The following GALNT14 variants were observed in gnomAD, a reference collection of about 807,000 sequenced individuals.
GALNT14 encodes the protein UDP-GalNAc:polypeptide N-acetylgalactosaminyltransferase 14.
In GALNT14, 60 loss-of-function variants were observed where a neutral mutation model predicts 77.5. The observed-to-expected ratio is 0.77, with a 90% CI of 0.63 to 0.96. The LOEUF (loss-of-function observed/expected upper bound fraction) is 0.96, where lower values mean the gene tolerates loss of function less well. GALNT14 is among the 40% of genes least tolerant of loss of function. The pLI, the probability that GALNT14 is intolerant of heterozygous loss-of-function variation, is 0.00. For missense variants in GALNT14, 710 were observed against 731.0 expected, an observed-to-expected ratio of 0.97 and a Z score of 0.33; for synonymous variants, 280 against 281.7, an observed-to-expected ratio of 0.99 and a Z score of 0.06.
At chr2:30,929,718 T>C (rs1350145896) in intron 10 of GALNT14, among the ~76,000 whole-genome samples, 1 of 152,242 alleles carries the variant, frequency 6.6e-6, no homozygotes, top group African/African-American at 2.4e-5. Flanking sequence ...ACAGGTTGAG[T>C]ATCCTTTACA....
chr2:31,050,258 G>C (rs915501141), intron 1 of GALNT14, among the ~76,000 whole-genome samples: 7 of 152,306 alleles, frequency 4.6e-5, no homozygotes, highest in Admixed American at 2.0e-4. Flanking sequence ...ATGCCTTTCT[G>C]TTTCCTGCAG....
At chr2:30,966,019 T>A (rs1165818624) in intron 3 of GALNT14, among the ~76,000 whole-genome samples, 185 bp downstream of exon 3, 2 of 152,122 alleles carry the variant, frequency 1.3e-5, no homozygotes, top group Non-Finnish European at 2.9e-5. Context: ...TAAAATGGGA[T>A]AATAGCCTCC....
At chr2:31,049,069 G>A (rs1355635454) in intron 1 of GALNT14, among the ~76,000 whole-genome samples, 3 of 152,274 alleles carry the variant, frequency 2.0e-5, no homozygotes, top group East Asian at 3.9e-4. Flanking sequence ...TGCCTTGCAA[G>A]TCCCTCGAGG....
intron 6 of GALNT14, among the ~76,000 whole-genome samples, chr2:30,947,212 A>T (rs1666750347): frequency 6.6e-6 from 1 of 152,118 alleles, no homozygotes; most frequent in African/African-American, 2.4e-5. Flanking sequence ...TATGGCTGCC[A>T]AAGTTGTCTT....
chr2:31,072,077 A>T (rs1675413517), intron 1 of GALNT14, among the ~76,000 whole-genome samples: 1 of 152,098 alleles, frequency 6.6e-6, no homozygotes, highest in Non-Finnish European at 1.5e-5. Flanking sequence ...TGCTAGAGAC[A>T]CGTGGAAGAA....
intron 1 of GALNT14, among the ~76,000 whole-genome samples, chr2:31,076,629 AT>A (rs35108670): frequency 0.075 from 7,647 of 101,840 alleles, 225 homozygotes; most frequent in African/African-American, 0.1. Flanking sequence ...ATATATATAT[AT>A]TTTTTTTTTT....
intron 1 of GALNT14, among the ~76,000 whole-genome samples, chr2:31,111,762 TCA>T (rs1380586712): frequency 1.3e-5 from 2 of 152,192 alleles, no homozygotes; most frequent in Non-Finnish European, 2.9e-5. Context: ...ATTTTTTTTT[TCA>T]CACAAAGGTC....
chr2:31,059,762 TGCCA>T (rs1159708909), intron 1 of GALNT14, among the ~76,000 whole-genome samples: 1 of 152,216 alleles, frequency 6.6e-6, no homozygotes, highest in Non-Finnish European at 1.5e-5. Flanking sequence ...TCACCCCTTC[TGCCA>T]TGTGAAGACA....
chr2:31,067,541 G>C (rs1459080636), intron 1 of GALNT14, among the ~76,000 whole-genome samples: 1 of 152,126 alleles, frequency 6.6e-6, no homozygotes, highest in Non-Finnish European at 1.5e-5. Flanking sequence ...AGGACATTAG[G>C]TCTGCTGTAA....
Position 30,932,185 on chromosome 2 carries a change from AAGG to A in GALNT14, c.938_940del (p.Ser313del). On this transcript the variant is annotated inframe_deletion, in exon 10 of 15. Transcript: ENST00000349752. ...GCTGCCCCCGCACATCCACACTCGG[AAGG>A]AGATTTCTGCAAGACAGTCACGCCC... is the stretch of plus-strand genomic sequence containing the variant. 2.6e-6 allele frequency: 4 copies of A among 1,513,294 alleles called. No homozygotes were observed. Among genetic ancestry groups the A allele is most frequent in the Non-Finnish European group, 2.7e-6 (3 of 1,130,160 alleles). The allele number at this position is 1,513,294 out of a possible 1,614,324, so 93.7% of individuals were successfully genotyped here. A position where few individuals can be genotyped will look rare whatever the true frequency, so the allele number is the denominator to read the frequency against.
At chr2:31,061,247 C>T (rs116680419) in intron 1 of GALNT14, among the ~76,000 whole-genome samples, 3,253 of 152,276 alleles carry the variant, frequency 0.021, 125 homozygotes, top group African/African-American at 0.074. Context: ...CCAATTTCAA[C>T]AGCAAGCAAG....
At chr2:31,117,880 T>A (rs963086866) in intron 1 of GALNT14, among the ~76,000 whole-genome samples, 1 of 152,198 alleles carries the variant, frequency 6.6e-6, no homozygotes, top group African/African-American at 2.4e-5. Context: ...TCTTACATCA[T>A]GTGGCCCTGC....
rs182212663 is a variant in GALNT14 at position 30,977,935 on chromosome 2, G to A, written c.300-11633C>T. Reference sequence around the variant, plus strand: ...CTAACTATTCTTCCCGCCTGCAGAAGAGTCACTTCCAACCACTCCTCCCAC... The same window carrying A: ...CTAACTATTCTTCCCGCCTGCAGAAAAGTCACTTCCAACCACTCCTCCCAC... On this transcript the variant is annotated intron_variant, in intron 2 of 14. Transcript: ENST00000349752. Among the ~76,000 whole-genome samples the A allele has an allele frequency of 2.9e-3, 436 of 152,254 alleles. 2 individuals carry two copies. Among genetic ancestry groups the A allele is most frequent in the African/African-American group, 9.6e-3 (397 of 41,548 alleles).
rs555867788 is a variant in GALNT14, at chr2:31,101,412, T to C, written c.129+36546A>G. On this transcript the variant is annotated intron_variant, in intron 1 of 14. Coordinates refer to ENST00000349752, the MANE Select transcript of GALNT14 (RefSeq NM_024572.4). ...AAGTTATGCTTGTTTCTCTTCTTTT[T>C]CTATGCTCTAGAACAGAGTTCTATG... Among the ~76,000 whole-genome samples, 45 of 152,246 alleles carry C rather than the reference T, an allele frequency of 3.0e-4. 1 individual carries two copies. The highest frequency in any genetic ancestry group is 7.2e-4 in the Admixed American group (11 of 15,294).
intron 1 of GALNT14, among the ~76,000 whole-genome samples, chr2:31,071,978 C>A (rs1031533746): frequency 6.6e-6 from 1 of 152,104 alleles, no homozygotes; most frequent in African/African-American, 2.4e-5. Context: ...GGAGACGGTG[C>A]CCAGGAGACA....
At chr2:31,004,879 A>G (rs889497682) in intron 1 of GALNT14, among the ~76,000 whole-genome samples, 1 of 152,188 alleles carries the variant, frequency 6.6e-6, no homozygotes, top group Non-Finnish European at 1.5e-5. Flanking sequence ...GGGAAAAGCA[A>G]TTTTCAAGAG....
intron 2 of GALNT14, among the ~76,000 whole-genome samples, chr2:30,987,301 A>G (rs1275813824): frequency 6.6e-6 from 1 of 152,190 alleles, no homozygotes; most frequent in Admixed American, 6.5e-5. Flanking sequence ...AAGCCCAAGC[A>G]TGAATGAGTA....
At chr2:30,911,107 A>T in intron 14 of GALNT14, 48 bp from the exon 15 acceptor site, 1 of 1,574,946 alleles carries the variant, frequency 6.3e-7, no homozygotes, top group African/African-American at 1.3e-5. Context: ...CATCAGTAAC[A>T]TGGGAGTTCC....
chr2:30,901,305 G>A, the GALNT14 span, among the ~76,000 whole-genome samples: 2 of 151,988 alleles, frequency 1.3e-5, no homozygotes, highest in African/African-American at 4.8e-5. Flanking sequence ...ATCCAACATG[G>A]CACCAGTCTC....
Sources: gnomAD v4.1 joint callset for allele counts (sites outside exome capture counted in the v4.1 genomes callset) on GRCh38, gnomAD v4.1.1 for gene constraint, MANE v1.5 for transcripts, NCBI Gene and HGNC (gene_info 2026-07-23, HGNC 2026-07-21) for gene names.